The following MLLT6 variants were observed in gnomAD, a reference collection of about 807,000 sequenced individuals.
MLLT6 encodes the protein MLLT6, PHD finger containing, also known as protein AF-17.
In MLLT6, 22 loss-of-function variants were observed where a neutral mutation model predicts 103.0. The ratio of observed to expected loss-of-function variants is 0.21; its 90% CI spans 0.15 to 0.31. MLLT6 has a LOEUF of 0.31. Among genes scored for constraint, MLLT6 ranks in the 10% least tolerant of loss-of-function variants. MLLT6 has a pLI of 1.00. For synonymous variants in MLLT6, 606 were observed against 623.5 expected (o/e 0.97, Z 0.42); for missense variants, 1,199 against 1,441.7 (o/e 0.83, Z 2.73).
intron 6 of MLLT6, among the ~76,000 whole-genome samples, chr17:38,710,188 G>A (rs1037011042): frequency 3.9e-5 from 6 of 152,198 alleles, no homozygotes; most frequent in Non-Finnish European, 8.8e-5. Flanking sequence ...GGTGAGCAGC[G>A]GGAGAATGGG....
At position 38,716,131 on chromosome 17, in the gene MLLT6, T is replaced by C; in HGVS notation, c.1037-236T>C. 3.3e-6 allele frequency: 2 copies of C among 601,010 alleles called. No homozygotes were observed. 37.2% of individuals were successfully genotyped at this position (601,010 alleles called of 1,614,324 possible). A position where few individuals can be genotyped will look rare whatever the true frequency, so the allele number is the denominator to read the frequency against. ...CATTAACATTTTCTCCTATAATCGC[T>C]ACAGTCATCTGGTGAGGCCAGTAGG... On this transcript the variant is annotated intron_variant, in intron 9 of 19. Transcript: ENST00000621332. This position sits in a 1 kb window ranked among gnomAD's most constrained non-coding sequence, Gnocchi z 5.6.
chr17:38,709,316 C>A lies in MLLT6; in HGVS notation c.458+40C>A. 6.5e-7 allele frequency: 1 copy of A among 1,536,616 alleles called. No homozygotes were observed. The highest frequency in any genetic ancestry group is 9.0e-7 in the Non-Finnish European group (1 of 1,109,468). Reference sequence around the variant, plus strand: ...CCACCCCCCTGCCCCCCGGGTTTGTCCTGGATGGCCACTGATCAGGCTCAT... The same window carrying A: ...CCACCCCCCTGCCCCCCGGGTTTGTACTGGATGGCCACTGATCAGGCTCAT... On this transcript the variant is annotated intron_variant, in intron 5 of 19. Coordinates refer to ENST00000621332, the MANE Select transcript of MLLT6 (RefSeq NM_005937.4). This position sits in a 1 kb window ranked among gnomAD's most constrained non-coding sequence, Gnocchi z 4.3.
intron 12 of MLLT6, 110 bp downstream of exon 12, chr17:38,718,063 T>C: frequency 2.7e-6 from 2 of 752,048 alleles, no homozygotes; most frequent in Non-Finnish European, 4.5e-6. Flanking sequence ...CCCCTCCCTC[T>C]GGCCATTGCC....
Position 38,728,977 on chromosome 17 carries a change from A to G in MLLT6, c.*3379A>G. 1 of 233,520 alleles carries G rather than the reference A, an allele frequency of 4.3e-6. No homozygotes were observed. Among genetic ancestry groups the G allele is most frequent in the Non-Finnish European group, 8.5e-6 (1 of 118,086 alleles). The allele number at this position is 233,520 out of a possible 1,614,324, so 14.5% of individuals were successfully genotyped here. ...TCTGCTGCTGCCTCAAGGTGTCCTG[A>G]CCTTGAGGCTGATGAGGGGACCCCT... On this transcript the variant is annotated 3_prime_UTR_variant, in exon 20 of 20. Transcript: ENST00000621332.
chr17:38,707,760 C>A lies in MLLT6; in HGVS notation c.245-3C>A. 1 of 1,593,124 alleles carries A rather than the reference C, an allele frequency of 6.3e-7. No homozygotes were observed. The highest frequency in any genetic ancestry group is 8.6e-7 in the Non-Finnish European group (1 of 1,161,374). On this transcript the variant is annotated splice_region_variant and splice_polypyrimidine_tract_variant and intron_variant, in intron 3 of 19. Transcript: ENST00000621332. ...AGCTGAGGCTACCCCCACACTGCCC[C>A]AGGCTGGGCACACGTGGTGTGTGCC...
intron 6 of MLLT6, among the ~76,000 whole-genome samples, chr17:38,711,049 A>G (rs1905126247): frequency 6.6e-6 from 1 of 152,108 alleles, no homozygotes; most frequent in South Asian, 2.1e-4. Flanking sequence ...CTTGCAGGGT[A>G]TGGGGCTCTG....
At position 38,717,964 on chromosome 17, in the gene MLLT6, A is replaced by G. The variant is rs755217651; in HGVS notation, c.1942+11A>G. On this transcript the variant is annotated intron_variant, in intron 12 of 19. Coordinates refer to ENST00000621332, the MANE Select transcript of MLLT6 (RefSeq NM_005937.4). ...AGAGCAGCCACACAGGTATGTGAAT[A>G]TCTGATCCCCTCTCCCCTTTCTTCC... 3 of 1,554,834 alleles carry G rather than the reference A, an allele frequency of 1.9e-6. No individual in the cohort carries two copies. Among genetic ancestry groups the G allele is most frequent in the Middle Eastern group, 1.7e-4 (1 of 5,950 alleles).
chr17:38,716,197 C>G lies in MLLT6; in HGVS notation c.1037-170C>G, dbSNP rs1905335249. On this transcript the variant is annotated intron_variant, in intron 9 of 19. Transcript: ENST00000621332. The surrounding 1 kb of genome is among the most constrained non-coding windows in gnomAD (Gnocchi z 5.6). ...CCCCATTTTATTACAGGTGGGAAAGCTGGAGGGGTCGGGGGTACTCATCCC... is the reference window on the plus strand; with the variant it reads ...CCCCATTTTATTACAGGTGGGAAAGGTGGAGGGGTCGGGGGTACTCATCCC... 4.5e-6 allele frequency: 3 copies of G among 672,642 alleles called. No individual in the cohort carries two copies. The South Asian group carries it at 6.1e-5, about 14-fold the overall frequency. 41.7% of individuals were successfully genotyped at this position (672,642 alleles called of 1,614,324 possible).
At position 38,726,007 on chromosome 17, in the gene MLLT6, C is replaced by T. The variant is rs191238603; in HGVS notation, c.*409C>T. 682 of 259,480 alleles carry T rather than the reference C, an allele frequency of 2.6e-3. 2 individuals carry two copies. The highest frequency in any genetic ancestry group is 0.014 in the African/African-American group (635 of 46,226). 16.1% of individuals were successfully genotyped at this position (259,480 alleles called of 1,614,324 possible). ...GGGAGAGGCCCTGGGCCTGTCCCTG[C>T]GGGGAAATCTTTTATGGAAGAAGGG... On this transcript the variant is annotated 3_prime_UTR_variant, in exon 20 of 20. Coordinates refer to ENST00000621332, the MANE Select transcript of MLLT6 (RefSeq NM_005937.4).
chr17:38,725,044 G>C (rs1444277569), intron 19 of MLLT6, 68 bp downstream of exon 19: 22 of 1,166,364 alleles, frequency 1.9e-5, no homozygotes, highest in Non-Finnish European at 2.6e-5. Flanking sequence ...TTGTCAGAAG[G>C]CTTATCATCA....
At position 38,721,937 on chromosome 17, in the gene MLLT6, C is replaced by A; in HGVS notation, c.2502C>A (p.Pro834=). 6.5e-7 allele frequency: 1 copy of A among 1,540,648 alleles called. No individual in the cohort carries two copies. The highest frequency in any genetic ancestry group is 2.5e-5 in the East Asian group (1 of 40,104). The change falls in exon 17 of 20, where the codon CCC becomes CCA. Residue 834 remains proline (P), a synonymous_variant. Coordinates refer to ENST00000621332, the MANE Select transcript of MLLT6 (RefSeq NM_005937.4). ...SSSSLSFHST[P]PPLPLLQQSP... is the part of the protein sequence containing the mutation. The stretch of plus-strand genomic sequence containing the variant: ...CGTCGCTGTCCTTCCACAGCACGCC[C>A]CCACCGCTGCCCCTCCTCCAGCAGA...
At chr17:38,712,100 C>T in intron 7 of MLLT6, 86 bp downstream of exon 7, 2 of 1,427,484 alleles carry the variant, frequency 1.4e-6, no homozygotes, top group African/African-American at 2.9e-5. Context: ...CATGAGGTGC[C>T]CTTAAGGTCT....
chr17:38,705,772 A>G, intron 1 of MLLT6, 31 bp downstream of exon 1: 1 of 1,178,754 alleles, frequency 8.5e-7, no homozygotes, highest in Non-Finnish European at 1.1e-6. Context: ...GGGCGGCGGG[A>G]CCCCGGGGGC....
In MLLT6 at chr17:38,719,737, C is replaced by T. The variant is rs1310406686; in HGVS notation, c.2010-13C>T. On this transcript the variant is annotated splice_polypyrimidine_tract_variant and intron_variant, in intron 13 of 19. Coordinates refer to ENST00000621332, the MANE Select transcript of MLLT6 (RefSeq NM_005937.4). ...GGTCGGGTCGACTGAACCCAGGTTC[C>T]CTCTGGCCGCAGGTCCCCCATCAGC... 2.5e-6 allele frequency: 4 copies of T among 1,604,100 alleles called. No individual in the cohort carries two copies. Among genetic ancestry groups the T allele is most frequent in the Non-Finnish European group, 3.4e-6 (4 of 1,173,554 alleles).
At position 38,721,954 on chromosome 17, in the gene MLLT6, T is replaced by C. The variant is rs1461665720; in HGVS notation, c.2519T>C (p.Leu840Pro). 1.3e-6 allele frequency: 2 copies of C among 1,520,602 alleles called. No individual in the cohort carries two copies. Among genetic ancestry groups the C allele is most frequent in the East Asian group, 2.6e-5 (1 of 38,806 alleles). The allele number at this position is 1,520,602 out of a possible 1,614,324, so 94.2% of individuals were successfully genotyped here. The change falls in exon 17 of 20, where the codon CTC (leucine) becomes CCC (proline). Residue 840 changes from leucine to proline, a missense_variant. This residue lies in a region of MLLT6 where 1,034 missense variants were observed against 1,091.5 expected (regional missense o/e 0.95). Transcript: ENST00000621332. ...AGCACGCCCCCACCGCTGCCCCTCC[T>C]CCAGCAGAGCCCTGCCACTCTGCCC... ...FHSTPPPLPL[L>P]QQSPATLPLA...
intron 16 of MLLT6, 169 bp downstream of exon 16, chr17:38,720,916 A>C (rs2143703570): frequency 1.5e-6 from 1 of 652,228 alleles, no homozygotes; most frequent in Non-Finnish European, 2.6e-6. Flanking sequence ...GTGCCCACTT[A>C]GTGCCAGCCA....
At position 38,720,245 on chromosome 17, in the gene MLLT6, T is replaced by C. The variant is rs1462129485; in HGVS notation, c.2156-127T>C. ...CCTCTCTTCTCAGAGCTCACCTGTG[T>C]CCCTCCTTAGGATGGCGCCGCCTTT... On this transcript the variant is annotated intron_variant, in intron 14 of 19. Transcript: ENST00000621332. 8 of 920,446 alleles carry C rather than the reference T, an allele frequency of 8.7e-6. No individual in the cohort carries two copies. In the East Asian group the frequency reaches 1.1e-4, roughly 12 times the overall value. The allele number at this position is 920,446 out of a possible 1,614,324, so 57.0% of individuals were successfully genotyped here.
chr17:38,715,458 C>G (rs1905293610), intron 8 of MLLT6, 154 bp from the exon 9 acceptor site: 3 of 1,328,826 alleles, frequency 2.3e-6, no homozygotes, highest in Non-Finnish European at 3.0e-6. Context: ...GGTCTAGGAG[C>G]TCCTGGCCAC....
At chr17:38,705,970 G>A (rs973698471) in intron 1 of MLLT6, 1 of 225,334 alleles carries the variant, frequency 4.4e-6, no homozygotes, top group African/African-American at 2.3e-5. Flanking sequence ...TAAGTTGAGG[G>A]AGTTTGGGGA....
Sources: gnomAD v4.1 joint callset for allele counts (sites outside exome capture counted in the v4.1 genomes callset) on GRCh38, gnomAD v4.1.1 for gene constraint, gnomAD v4.1.1 regional missense constraint, Gnocchi (gnomAD v3.1) non-coding constraint, MANE v1.5 for transcripts, NCBI Gene and HGNC (gene_info 2026-07-23, HGNC 2026-07-21) for gene names.